Variants in IQSEC1 observed in about 807,000 individuals in gnomAD.
The protein encoded by IQSEC1 is IQ motif and SEC7 domain-containing protein 1.
IQSEC1 carries 31 observed loss-of-function variants against 91.0 expected under a neutral mutation model. The ratio of observed to expected loss-of-function variants is 0.34; its 90% CI spans 0.26 to 0.46. IQSEC1 has a LOEUF of 0.46. Ranked by LOEUF, IQSEC1 falls within the 20% of genes least tolerant of loss-of-function variation. The pLI, the probability that IQSEC1 is intolerant of heterozygous loss-of-function variation, is 1.00. For synonymous variants in IQSEC1, 699 were observed against 662.6 expected (o/e 1.05, Z -0.84); for missense variants, 1,388 against 1,575.6 (o/e 0.88, Z 2.02).
chr3:12,936,797 TG>T lies in IQSEC1; in HGVS notation c.319-101del, dbSNP rs1217367728. 2.4e-6 allele frequency: 3 copies of T among 1,233,908 alleles called. No individual in the cohort carries two copies. The East Asian group carries it at 7.7e-5, about 32-fold the overall frequency. 76.4% of individuals were successfully genotyped at this position (1,233,908 alleles called of 1,614,324 possible). A position where few individuals can be genotyped will look rare whatever the true frequency, so the allele number is the denominator to read the frequency against. On this transcript the variant is annotated intron_variant, in intron 2 of 13. Transcript: ENST00000613206. ...TTCCTAGCCACGTGGCTGTGCGACC[TG>T]GGAAGGTCCCAAAGTTGGTCAAAGC...
At chr3:13,028,368 G>C (rs956709332) in intron 1 of IQSEC1, among the ~76,000 whole-genome samples, 1 of 152,228 alleles carries the variant, frequency 6.6e-6, no homozygotes, top group Admixed American at 6.5e-5. Flanking sequence ...GCTGTCCCCC[G>C]AGGCTGGGCC....
rs1244508114 is a variant in IQSEC1 at position 13,214,991 on chromosome 3, AGACATG to A, written c.273-50864_273-50859del. Reference sequence around the variant, plus strand: ...TGTGCCTGACCTAGACTAGGCCCTCAGACATGGTTCAGGGCTGGCAGGATGAGTAAG... The same window carrying A: ...TGTGCCTGACCTAGACTAGGCCCTCAGTTCAGGGCTGGCAGGATGAGTAAG... On this transcript the variant is annotated intron_variant, in intron 1 of 15. Coordinates refer to the IQSEC1 transcript ENST00000648114. The surrounding 1 kb of genome is among the most constrained non-coding windows in gnomAD (Gnocchi z 4.5). Among the ~76,000 whole-genome samples the A allele has an allele frequency of 6.6e-6, 1 of 152,172 alleles. No homozygotes were observed. The highest frequency in any genetic ancestry group is 2.4e-5 in the African/African-American group (1 of 41,434).
At chr3:12,988,180 G>A (rs894867111) in intron 1 of IQSEC1, among the ~76,000 whole-genome samples, 2 of 152,244 alleles carry the variant, frequency 1.3e-5, no homozygotes, top group Non-Finnish European at 2.9e-5. Context: ...TTGGGAGGCC[G>A]AGGCAGGTGG....
intron 2 of IQSEC1, among the ~76,000 whole-genome samples, chr3:13,120,576 G>A (rs752791452): frequency 4.7e-4 from 72 of 152,206 alleles, no homozygotes; most frequent in Non-Finnish European, 8.2e-4. Flanking sequence ...GCTGCTCACA[G>A]TCTAGAGGGA....
intron 3 of IQSEC1, among the ~76,000 whole-genome samples, chr3:12,932,162 G>A (rs1697735265): frequency 6.6e-6 from 1 of 152,216 alleles, no homozygotes. Flanking sequence ...ACAGGAGCAG[G>A]AGACGCTGGG....
intron 1 of IQSEC1, among the ~76,000 whole-genome samples, chr3:13,036,940 G>A (rs1042590979): frequency 4.6e-5 from 7 of 152,180 alleles, no homozygotes; most frequent in South Asian, 4.1e-4. Context: ...CAAAGTCAGC[G>A]TGTGGGCAGA....
At position 13,211,965 on chromosome 3, in the gene IQSEC1, G is replaced by T. The variant is rs564324672; in HGVS notation, c.273-47832C>A. ...TTTGAGCCCCTGTGGGCTCTGGCGC[G>T]TGTCGGTGCCCAGCCTCTGTGAGAG... On this transcript the variant is annotated intron_variant, in intron 1 of 15. Coordinates refer to the IQSEC1 transcript ENST00000648114. The surrounding 1 kb of genome is among the most constrained non-coding windows in gnomAD (Gnocchi z 5.3). Among the ~76,000 whole-genome samples the T allele has an allele frequency of 4.1e-4, 62 of 152,224 alleles. No individual in the cohort carries two copies. The highest frequency in any genetic ancestry group is 1.5e-3 in the African/African-American group (61 of 41,520).
chr3:13,279,082 C>A (rs762327959), intron 1 of IQSEC1, among the ~76,000 whole-genome samples: 1 of 152,164 alleles, frequency 6.6e-6, no homozygotes, highest in Non-Finnish European at 1.5e-5. Flanking sequence ...ATGCAGCCAT[C>A]GGCCCCACCC....
intron 2 of IQSEC1, among the ~76,000 whole-genome samples, chr3:13,131,494 T>G (rs1337440465): frequency 6.9e-6 from 1 of 145,506 alleles, no homozygotes; most frequent in Admixed American, 6.9e-5. Flanking sequence ...TTTTTTTTTT[T>G]TTTTTTTTTT....
intron 1 of IQSEC1, among the ~76,000 whole-genome samples, chr3:12,944,639 C>T (rs1267310204): frequency 6.6e-6 from 1 of 152,232 alleles, no homozygotes; most frequent in East Asian, 1.9e-4. Flanking sequence ...CAAATCTGTG[C>T]TTCCAGGCAC....
chr3:13,197,565 G>A (rs998921314), intron 1 of IQSEC1, among the ~76,000 whole-genome samples: 5 of 152,180 alleles, frequency 3.3e-5, no homozygotes. Flanking sequence ...GGGCCCCTAC[G>A]ACCAAGCTGC....
At chr3:13,180,589 G>C (rs369277472) in intron 1 of IQSEC1, among the ~76,000 whole-genome samples, 1 of 152,018 alleles carries the variant, frequency 6.6e-6, no homozygotes, top group Non-Finnish European at 1.5e-5. Context: ...TCCACACTGT[G>C]GAAGCTTTGT....
chr3:13,032,727 G>C (rs1057038448), intron 1 of IQSEC1, among the ~76,000 whole-genome samples: 21 of 152,108 alleles, frequency 1.4e-4, no homozygotes, highest in African/African-American at 4.6e-4. Flanking sequence ...GGGACTACAG[G>C]CGCCCGCCAC....
intron 2 of IQSEC1, among the ~76,000 whole-genome samples, chr3:13,085,707 C>T (rs961406132): frequency 5.9e-5 from 9 of 152,348 alleles, no homozygotes; most frequent in African/African-American, 2.2e-4. Context: ...AGCCTTCAGG[C>T]CCACGTGCTG....
At chr3:13,158,262 C>T (rs1707115078) in intron 2 of IQSEC1, among the ~76,000 whole-genome samples, 1 of 152,222 alleles carries the variant, frequency 6.6e-6, no homozygotes, top group South Asian at 2.1e-4. Context: ...CCCATTCCTT[C>T]CTGGAGAGAA....
At position 12,924,802 on chromosome 3, in the gene IQSEC1, G is replaced by C; in HGVS notation, c.1569-60C>G. 2 of 1,478,496 alleles carry C rather than the reference G, an allele frequency of 1.4e-6. No individual in the cohort carries two copies. Among genetic ancestry groups the C allele is most frequent in the Non-Finnish European group, 1.8e-6 (2 of 1,097,672 alleles). 91.6% of individuals were successfully genotyped at this position (1,478,496 alleles called of 1,614,324 possible). On this transcript the variant is annotated intron_variant, in intron 3 of 13. Coordinates refer to ENST00000613206, the MANE Select transcript of IQSEC1 (RefSeq NM_001134382.3). This position sits in a 1 kb window ranked among gnomAD's most constrained non-coding sequence, Gnocchi z 6.3. ...TGCCCGGCCACCAGCCAGGCACCTG[G>C]AGGGGATCTCCGCTCAGTGGACGGT...
intron 1 of IQSEC1, among the ~76,000 whole-genome samples, chr3:12,968,137 CT>C (rs1700728139): frequency 1.3e-5 from 2 of 152,234 alleles, no homozygotes; most frequent in African/African-American, 2.4e-5. Flanking sequence ...CAACCAGAGC[CT>C]ACTCCGCTGA....
At chr3:12,954,247 G>C (rs1699754483) in intron 1 of IQSEC1, among the ~76,000 whole-genome samples, 1 of 152,250 alleles carries the variant, frequency 6.6e-6, no homozygotes, top group African/African-American at 2.4e-5. Flanking sequence ...AAGAGCCCAG[G>C]AACCTGAGTG....
intron 1 of IQSEC1, among the ~76,000 whole-genome samples, chr3:12,996,626 A>T (rs1434097558): frequency 2.0e-5 from 3 of 152,242 alleles, no homozygotes; most frequent in Non-Finnish European, 2.9e-5. Flanking sequence ...CTGAAAAAAA[A>T]TGTCTGCTGC....
Sources: allele counts gnomAD v4.1 joint callset (sites outside exome capture counted in the v4.1 genomes callset), GRCh38; gene constraint gnomAD v4.1.1; non-coding constraint Gnocchi (gnomAD v3.1); transcripts MANE v1.5; gene names NCBI Gene and HGNC (gene_info 2026-07-23, HGNC 2026-07-21).